NUP160: variants seen among roughly 807,000 people sequenced by gnomAD.
The protein encoded by NUP160 is nuclear pore complex protein Nup160.
In NUP160, 94 loss-of-function variants were observed where a neutral mutation model predicts 196.9. The ratio of observed to expected loss-of-function variants is 0.48; its 90% CI spans 0.40 to 0.57. NUP160 has a LOEUF of 0.57. Among genes scored for constraint, NUP160 ranks in the 20% least tolerant of loss-of-function variants. The pLI is 0.00. For synonymous variants in NUP160, 605 were observed against 619.7 expected (o/e 0.98, Z 0.35); for missense variants, 1,638 against 1,748.3 (o/e 0.94, Z 1.13).
intron 18 of NUP160, 47 bp from the exon 19 acceptor site, chr11:47,807,187 A>C (rs746591680): frequency 8.7e-7 from 1 of 1,153,216 alleles, no homozygotes; most frequent in South Asian, 1.3e-5. Context: ...TCCTATGCTA[A>C]ACATTACTTC....
chr11:47,819,438 T>C, exon 10 of NUP160: 1 of 1,613,444 alleles, frequency 6.2e-7, no homozygotes, highest in Non-Finnish European at 8.5e-7. Flanking sequence ...AAAAACTGGA[T>C]TCCACTGACC....
At chr11:47,802,022 A>G in intron 22 of NUP160, 92 bp from the exon 23 acceptor site, 2 of 1,196,016 alleles carry the variant, frequency 1.7e-6, no homozygotes, top group South Asian at 2.8e-5. Flanking sequence ...AAAGCCAAAA[A>G]AGAAACAAGA....
At chr11:47,812,761 G>A (rs781199092) in intron 15 of NUP160, 121 bp downstream of exon 15, 58 of 703,586 alleles carry the variant, frequency 8.2e-5, no homozygotes, top group Non-Finnish European at 1.0e-4. Context: ...GAATCATGGC[G>A]CATCAGTTTG....
chr11:47,815,842 A>T, intron 12 of NUP160, 104 bp downstream of exon 12: 1 of 1,041,822 alleles, frequency 9.6e-7, no homozygotes, highest in Admixed American at 2.3e-5. Flanking sequence ...ATATGTTCCA[A>T]CAAACAAGGT....
intron 27 of NUP160, 151 bp downstream of exon 27, chr11:47,797,628 C>CCTA (rs1196824356): frequency 3.3e-6 from 2 of 608,272 alleles, no homozygotes; most frequent in Non-Finnish European, 5.9e-6. Flanking sequence ...GAAGCAAGGG[C>CCTA]CTATCTTCAA....
chr11:47,807,732 T>C (rs1303977378), intron 18 of NUP160, among the ~76,000 whole-genome samples: 3 of 152,212 alleles, frequency 2.0e-5, no homozygotes, highest in African/African-American at 7.2e-5. Context: ...TCAGCCTACC[T>C]AAAGTAACAA....
intron 21 of NUP160, among the ~76,000 whole-genome samples, chr11:47,803,944 G>T (rs1431253624): frequency 1.3e-5 from 2 of 152,188 alleles, no homozygotes; most frequent in African/African-American, 4.8e-5. Flanking sequence ...CCAGCACTCT[G>T]GGGAGACGGG....
At chr11:47,846,794 G>A (rs1852409474) in intron 2 of NUP160, among the ~76,000 whole-genome samples, 1 of 152,112 alleles carries the variant, frequency 6.6e-6, no homozygotes, top group Non-Finnish European at 1.5e-5. Context: ...GTGCAGGTTT[G>A]TTACATGAGT....
rs201369503 is a variant in NUP160, at chr11:47,798,468, C to T, written c.2896-5G>A. On this transcript the variant is annotated splice_polypyrimidine_tract_variant and splice_region_variant and intron_variant, in intron 23 of 35. Coordinates refer to ENST00000378460, the Ensembl canonical transcript of NUP160. Reference sequence around the variant, plus strand: ...GACATCTAGTAGTCGTAAAACCTAACGAGAAATAGAAGAAATTTCCATTAA... The same window carrying T: ...GACATCTAGTAGTCGTAAAACCTAATGAGAAATAGAAGAAATTTCCATTAA... The T allele has an allele frequency of 9.2e-5, 137 of 1,489,742 alleles. No individual in the cohort carries two copies. Among genetic ancestry groups the T allele is most frequent in the Middle Eastern group, 1.7e-4 (1 of 5,812 alleles). 92.3% of individuals were successfully genotyped at this position (1,489,742 alleles called of 1,614,324 possible). A position where few individuals can be genotyped will look rare whatever the true frequency, so the allele number is the denominator to read the frequency against.
At chr11:47,836,376 C>T (rs1852176192) in intron 6 of NUP160, among the ~76,000 whole-genome samples, 1 of 152,166 alleles carries the variant, frequency 6.6e-6, no homozygotes. Flanking sequence ...ATTTTACCAA[C>T]TTACATTTTA....
At chr11:47,804,512 A>C (rs2097676309) in intron 21 of NUP160, 37 bp downstream of exon 21, 5 of 1,364,946 alleles carry the variant, frequency 3.7e-6, no homozygotes, top group Non-Finnish European at 5.0e-6. Flanking sequence ...CATGCTTTAC[A>C]AGAATGTGTA....
At chr11:47,837,659 T>TA (rs1393069642) in intron 4 of NUP160, 36 bp from the exon 5 acceptor site, 7 of 1,521,766 alleles carry the variant, frequency 4.6e-6, no homozygotes, top group East Asian at 2.2e-5. Flanking sequence ...TGAACACACT[T>TA]AGAGAAACCC....
intron 10 of NUP160, among the ~76,000 whole-genome samples, chr11:47,818,775 C>T (rs1851793025): frequency 6.6e-6 from 1 of 152,068 alleles, no homozygotes; most frequent in Admixed American, 6.5e-5. Flanking sequence ...TAGTAATCAG[C>T]ATATGATTTT....
At chr11:47,796,277 G>A (rs2097670879) in intron 27 of NUP160, 2 of 688,874 alleles carry the variant, frequency 2.9e-6, no homozygotes, top group Non-Finnish European at 2.7e-6. Context: ...GAAAGCTGTG[G>A]ACTCACAAAT....
intron 28 of NUP160, chr11:47,792,195 T>C: frequency 2.0e-6 from 1 of 511,464 alleles, no homozygotes; most frequent in Non-Finnish European, 3.5e-6. Flanking sequence ...CCATAACATA[T>C]TACTGAGTCC....
chr11:47,824,035 A>G (rs1054165059), intron 7 of NUP160, among the ~76,000 whole-genome samples: 25 of 125,630 alleles, frequency 2.0e-4, no homozygotes, highest in Admixed American at 3.4e-4. Flanking sequence ...ATATATATAT[A>G]TATATATATA....
exon 26 of NUP160, chr11:47,797,992 T>C: frequency 6.3e-7 from 1 of 1,577,752 alleles, no homozygotes; most frequent in Non-Finnish European, 8.6e-7. Flanking sequence ...TTATGCAGAT[T>C]CACATAGGGA....
chr11:47,792,643 CAT>C, intron 28 of NUP160, 141 bp downstream of exon 28: 2 of 765,360 alleles, frequency 2.6e-6, no homozygotes, highest in Non-Finnish European at 4.1e-6. Flanking sequence ...GAATTGTAAA[CAT>C]AGATTTTTTT....
intron 11 of NUP160, among the ~76,000 whole-genome samples, chr11:47,817,395 T>C (rs1851760492): frequency 6.7e-6 from 1 of 149,848 alleles, no homozygotes; most frequent in Non-Finnish European, 1.5e-5. Context: ...CAGTTTGGAG[T>C]GCAGTGGCGC....
Sources: allele counts gnomAD v4.1 joint callset (sites outside exome capture counted in the v4.1 genomes callset), GRCh38; gene constraint gnomAD v4.1.1; transcripts MANE v1.5; gene names NCBI Gene and HGNC (gene_info 2026-07-23, HGNC 2026-07-21).